The following GLI3 variants were observed in gnomAD, a reference collection of about 807,000 sequenced individuals.
GLI3 encodes transcription activator GLI3.
A neutral mutation model predicts 100.8 loss-of-function variants in GLI3; 20 were observed. That is an observed-to-expected ratio of 0.20 (90% CI 0.14 to 0.29). The LOEUF is 0.29. Among genes scored for constraint, GLI3 ranks in the 10% least tolerant of loss-of-function variants. GLI3 has a pLI of 1.00. For synonymous variants in GLI3, 938 were observed against 860.5 expected, an observed-to-expected ratio of 1.09 and a Z score of -1.58; for missense variants, 2,040 against 2,128.5, an observed-to-expected ratio of 0.96 and a Z score of 0.82.
intron 2 of GLI3, among the ~76,000 whole-genome samples, chr7:42,177,817 G>A (rs3779167): frequency 0.023 from 3,489 of 152,246 alleles, 81 homozygotes; most frequent in Middle Eastern, 0.075. Flanking sequence ...CGACGGGCTC[G>A]TCCAGTAAGA....
At chr7:42,157,242 T>C (rs1787023983) in intron 2 of GLI3, among the ~76,000 whole-genome samples, 1 of 152,222 alleles carries the variant, frequency 6.6e-6, no homozygotes, top group African/African-American at 2.4e-5. Context: ...CTATGAAATG[T>C]GCATTTGAGA....
At chr7:42,103,751 C>A (rs1181230939) in intron 3 of GLI3, among the ~76,000 whole-genome samples, 11 of 152,070 alleles carry the variant, frequency 7.2e-5, no homozygotes, top group Non-Finnish European at 1.2e-4. Context: ...CAAGAGCACC[C>A]AAGATAACCC....
At position 42,144,896 on chromosome 7, in the gene GLI3, A is replaced by G. The variant is rs186788120; in HGVS notation, c.367+3330T>C. On this transcript the variant is annotated intron_variant, in intron 3 of 14. Transcript: ENST00000395925. Reference sequence around the variant, plus strand: ...TTGACCGGCTCAGCAGAGCTAGCAAATAACTCAAGGGCAAGGGGACTGGCC... The same window carrying G: ...TTGACCGGCTCAGCAGAGCTAGCAAGTAACTCAAGGGCAAGGGGACTGGCC... Among the ~76,000 whole-genome samples the G allele has an allele frequency of 1.1e-3, 175 of 152,288 alleles. 4 individuals carry two copies. The highest frequency in any genetic ancestry group is 3.5e-3 in the Admixed American group (53 of 15,306).
intron 1 of GLI3, among the ~76,000 whole-genome samples, chr7:42,254,843 A>T (rs985085365): frequency 1.3e-5 from 2 of 148,978 alleles, no homozygotes; most frequent in African/African-American, 5.0e-5. Context: ...TTAAAAAAAA[A>T]GTTGGCTGAT....
chr7:41,991,681 T>A (rs2237428), intron 10 of GLI3, among the ~76,000 whole-genome samples: 1 of 151,914 alleles, frequency 6.6e-6, no homozygotes, highest in African/African-American at 2.4e-5. Flanking sequence ...TGTGCCTGAG[T>A]CTAAATAAGG....
At chr7:42,241,270 A>G (rs1470096446), upstream of GLI3, among the ~76,000 whole-genome samples, 1 of 152,166 alleles carries the variant, frequency 6.6e-6, no homozygotes, top group Non-Finnish European at 1.5e-5. Context: ...GCATTTTCAT[A>G]ATCAATCTGA....
At chr7:42,216,703 A>G (rs1274739998) in intron 2 of GLI3, among the ~76,000 whole-genome samples, 1 of 152,240 alleles carries the variant, frequency 6.6e-6, no homozygotes, top group Non-Finnish European at 1.5e-5. Context: ...ATCTAGTGTT[A>G]TAAGCTAGTT....
chr7:42,263,168 C>T (rs1466143657), intron 1 of GLI3, among the ~76,000 whole-genome samples: 1 of 152,152 alleles, frequency 6.6e-6, no homozygotes, highest in Non-Finnish European at 1.5e-5. Context: ...CTCGTGTACG[C>T]CTTCTGAGTG....
At chr7:42,106,317 G>A (rs1785573860) in intron 3 of GLI3, among the ~76,000 whole-genome samples, 1 of 152,224 alleles carries the variant, frequency 6.6e-6, no homozygotes, top group Admixed American at 6.5e-5. Context: ...GAACTGTGCT[G>A]TCCCCAGCCT....
At chr7:42,010,654 G>A (rs1788587380) in intron 10 of GLI3, among the ~76,000 whole-genome samples, 1 of 152,118 alleles carries the variant, frequency 6.6e-6, no homozygotes, top group African/African-American at 2.4e-5. Context: ...CAGGGGAAGG[G>A]GACTGTCTTT....
chr7:42,200,329 A>T (rs1305342044), intron 2 of GLI3, among the ~76,000 whole-genome samples: 1 of 152,258 alleles, frequency 6.6e-6, no homozygotes, highest in Non-Finnish European at 1.5e-5. Flanking sequence ...CCAGGTGAAC[A>T]GACAGTGAAC....
chr7:42,254,284 A>G (rs1789063545), intron 1 of GLI3, among the ~76,000 whole-genome samples: 1 of 152,072 alleles, frequency 6.6e-6, no homozygotes, highest in Non-Finnish European at 1.5e-5. Context: ...GTGAAAACCA[A>G]GATGACCTAG....
rs35750462 is a variant in GLI3, at chr7:42,007,222, TAA to T, written c.1497+16244_1497+16245del. Reference sequence around the variant, plus strand: ...AGATAATGATGCTAAGGAGGAAATTTAAAAAAAAAAAAAAAAAAAGGAAGGAA... The same window carrying T: ...AGATAATGATGCTAAGGAGGAAATTTAAAAAAAAAAAAAAAAAGGAAGGAA... On this transcript the variant is annotated intron_variant, in intron 10 of 14. Transcript: ENST00000395925. Among the ~76,000 whole-genome samples the T allele has an allele frequency of 3.6e-3, 446 of 122,798 alleles. 7 individuals are homozygous for T. In the South Asian group the frequency reaches 0.04, roughly 11 times the overall value. 80.6% of individuals were successfully genotyped at this position (122,798 alleles called of 152,430 possible).
rs922693874 is a variant in GLI3, at chr7:42,194,614, C to T, written c.124+28516G>A. Among the ~76,000 whole-genome samples the T allele has an allele frequency of 5.9e-5, 9 of 152,268 alleles. No homozygotes were observed. In the South Asian group the frequency reaches 1.5e-3, roughly 25 times the overall value. ...TCTGCTCTACTCCCGTCTGTCTTAG[C>T]GAACGGCATTCCATCTACCCATGAA... On this transcript the variant is annotated intron_variant, in intron 2 of 14. Transcript: ENST00000395925.
At chr7:42,054,360 A>G (rs1784409793) in intron 4 of GLI3, among the ~76,000 whole-genome samples, 1 of 152,204 alleles carries the variant, frequency 6.6e-6, no homozygotes, top group African/African-American at 2.4e-5. Context: ...ACAGTATTTA[A>G]TCACTTGCAT....
intron 13 of GLI3, among the ~76,000 whole-genome samples, chr7:41,969,343 G>A (rs995510722): frequency 3.3e-5 from 5 of 152,084 alleles, no homozygotes; most frequent in South Asian, 2.1e-4. Flanking sequence ...ACACTCACTC[G>A]GTTACAGAGT....
intron 3 of GLI3, among the ~76,000 whole-genome samples, chr7:42,079,198 A>G (rs1784947092): frequency 6.6e-6 from 1 of 152,194 alleles, no homozygotes; most frequent in Admixed American, 6.5e-5. Flanking sequence ...TTATTCAGCA[A>G]TGTTGGCACC....
intron 2 of GLI3, among the ~76,000 whole-genome samples, chr7:42,193,820 T>A (rs924441359): frequency 6.6e-6 from 1 of 152,168 alleles, no homozygotes; most frequent in African/African-American, 2.4e-5. Flanking sequence ...AGAAAAGTAC[T>A]AAAAAGGACA....
At chr7:42,120,098 T>A (rs1444113926) in intron 3 of GLI3, among the ~76,000 whole-genome samples, 1 of 152,138 alleles carries the variant, frequency 6.6e-6, no homozygotes, top group East Asian at 1.9e-4. Context: ...TTGCGGGGGA[T>A]GATAATTGTG....
Sources: allele counts gnomAD v4.1 joint callset (sites outside exome capture counted in the v4.1 genomes callset), GRCh38; gene constraint gnomAD v4.1.1; transcripts MANE v1.5; gene names NCBI Gene and HGNC (gene_info 2026-07-23, HGNC 2026-07-21).